Variants in SRPK2 observed in about 807,000 individuals in gnomAD.
SRPK2 encodes the protein SRSF protein kinase 2, also known as SFRS protein kinase 2.
A neutral mutation model predicts 90.8 loss-of-function variants in SRPK2; 21 were observed. That is an observed-to-expected ratio of 0.23 (90% confidence interval 0.16 to 0.33). The LOEUF (loss-of-function observed/expected upper bound fraction) is 0.33. SRPK2 is among the 10% of genes least tolerant of loss of function. The pLI, the probability that SRPK2 is intolerant of heterozygous loss-of-function variation, is 1.00. For synonymous variants in SRPK2, 288 were observed against 311.1 expected (o/e 0.93, Z 0.78); for missense variants, 620 against 869.0 (o/e 0.71, Z 3.60).
intron 2 of SRPK2, among the ~76,000 whole-genome samples, chr7:105,220,220 T>C (rs1797928740): frequency 6.6e-6 from 1 of 152,238 alleles, no homozygotes; most frequent in South Asian, 2.1e-4. Context: ...TTTTTCCTAA[T>C]TCTTAGATCC....
intron 2 of SRPK2, among the ~76,000 whole-genome samples, chr7:105,210,944 C>T (rs1796780210): frequency 6.6e-6 from 1 of 152,242 alleles, no homozygotes; most frequent in Non-Finnish European, 1.5e-5. Context: ...CTCAGTTCTA[C>T]GAACTCAAGG....
intron 2 of SRPK2, among the ~76,000 whole-genome samples, chr7:105,335,874 T>C (rs1214094232): frequency 6.6e-6 from 1 of 151,930 alleles, no homozygotes; most frequent in African/African-American, 2.4e-5. Flanking sequence ...GAGAATTGCT[T>C]GAAGCTGGGA....
At chr7:105,160,901 C>T (rs1807514408) in intron 6 of SRPK2, among the ~76,000 whole-genome samples, 1 of 152,076 alleles carries the variant, frequency 6.6e-6, no homozygotes, top group South Asian at 2.1e-4. Flanking sequence ...GTAGTATATA[C>T]ATAACCTATT....
Position 105,354,678 on chromosome 7 carries a change from A to G in SRPK2, c.71+33970T>C, listed in dbSNP as rs147876663. On this transcript the variant is annotated intron_variant, in intron 2 of 15. Coordinates refer to ENST00000393651, the MANE Select transcript of SRPK2 (RefSeq NM_182692.3). Reference sequence around the variant, plus strand: ...TGGTCTCTACCTGCTGGCTGGGAACAGACATTGCTACTCCTAGCAGCCCAC... The same window carrying G: ...TGGTCTCTACCTGCTGGCTGGGAACGGACATTGCTACTCCTAGCAGCCCAC... Among the ~76,000 whole-genome samples the G allele has an allele frequency of 7.2e-3, 1,098 of 152,298 alleles. 8 individuals are homozygous for G. Among genetic ancestry groups the G allele is most frequent in the Middle Eastern group, 0.017 (5 of 294 alleles).
chr7:105,192,050 C>CT lies in SRPK2; in HGVS notation c.229+11577dup, dbSNP rs34465290. Among the ~76,000 whole-genome samples the CT allele has an allele frequency of 9.7e-5, 14 of 143,890 alleles. No individual in the cohort carries two copies. In the East Asian group the frequency reaches 1.0e-3, roughly 11 times the overall value. The allele number at this position is 143,890 out of a possible 152,430, so 94.4% of individuals were successfully genotyped here. On this transcript the variant is annotated intron_variant, in intron 3 of 15. Coordinates refer to ENST00000393651, the MANE Select transcript of SRPK2 (RefSeq NM_182692.3). ...TTTAAAAGCTCCACTTCTGCTTCTG[C>CT]TTTTTTTTTTTTTTTTAATTTCCAT... is the stretch of plus-strand genomic sequence containing the variant.
intron 2 of SRPK2, among the ~76,000 whole-genome samples, chr7:105,365,384 G>A (rs988750459): frequency 6.6e-6 from 1 of 151,112 alleles, no homozygotes. Flanking sequence ...TACTCAGGAG[G>A]CTGAGGCAGG....
intron 2 of SRPK2, among the ~76,000 whole-genome samples, chr7:105,310,187 C>T (rs1811554075): frequency 6.6e-6 from 1 of 151,996 alleles, no homozygotes; most frequent in Non-Finnish European, 1.5e-5. Flanking sequence ...GTCTAAGACC[C>T]CATGAGGTAC....
chr7:105,136,529 C>T (rs751226253), intron 11 of SRPK2, among the ~76,000 whole-genome samples: 9 of 152,176 alleles, frequency 5.9e-5, no homozygotes, highest in Non-Finnish European at 1.2e-4. Flanking sequence ...GCTTTCACTT[C>T]GGGAAGAACT....
At chr7:105,136,155 C>T (rs771144095) in intron 11 of SRPK2, among the ~76,000 whole-genome samples, 3 of 152,170 alleles carry the variant, frequency 2.0e-5, no homozygotes, top group African/African-American at 7.2e-5. Context: ...CCTCCTGGTT[C>T]GGGTTTGTAA....
At chr7:105,167,806 T>C (rs1272253241) in intron 5 of SRPK2, among the ~76,000 whole-genome samples, 1 of 152,114 alleles carries the variant, frequency 6.6e-6, no homozygotes, top group Non-Finnish European at 1.5e-5. Flanking sequence ...AGATGGGGTT[T>C]CACCGTGTTT....
At chr7:105,190,035 G>C (rs1305092361) in intron 3 of SRPK2, among the ~76,000 whole-genome samples, 1 of 152,164 alleles carries the variant, frequency 6.6e-6, no homozygotes, top group African/African-American at 2.4e-5. Flanking sequence ...CAGCCTTGTG[G>C]CAGAACGCCA....
chr7:105,261,022 T>TAAAA (rs72277307), intron 2 of SRPK2, among the ~76,000 whole-genome samples: 16,886 of 115,496 alleles, frequency 0.15, 1,584 homozygotes, highest in South Asian at 0.21. Flanking sequence ...CCCTAGAAAT[T>TAAAA]AAAAAAAAAA....
intron 3 of SRPK2, among the ~76,000 whole-genome samples, chr7:105,181,170 A>G (rs899039438): frequency 1.3e-5 from 2 of 152,192 alleles, no homozygotes; most frequent in African/African-American, 4.8e-5. Flanking sequence ...ACGATGAAAC[A>G]CCATCTCACA....
At chr7:105,133,157 G>A in intron 11 of SRPK2, 53 bp from the exon 12 acceptor site, 2 of 1,535,676 alleles carry the variant, frequency 1.3e-6, no homozygotes, top group Non-Finnish European at 1.8e-6. Flanking sequence ...TGGTTTGCAT[G>A]TGTGAGCACA....
chr7:105,227,105 T>TC (rs1798809774), intron 2 of SRPK2, among the ~76,000 whole-genome samples: 5 of 152,078 alleles, frequency 3.3e-5, no homozygotes, highest in African/African-American at 1.2e-4. Flanking sequence ...GGTCCTTCTC[T>TC]CCCTAAAAGT....
rs1246194048 is a variant in SRPK2 at position 105,162,874 on chromosome 7, C to A, written c.515-2261G>T. ...TATTTCAAAAACCTCTATTTACCCACGGATTAAGTAGTTTCTCCAAAGAAA... is the reference window on the plus strand; with the variant it reads ...TATTTCAAAAACCTCTATTTACCCAAGGATTAAGTAGTTTCTCCAAAGAAA... On this transcript the variant is annotated intron_variant, in intron 6 of 15. Coordinates refer to ENST00000393651, the MANE Select transcript of SRPK2 (RefSeq NM_182692.3). Among the ~76,000 whole-genome samples the A allele has an allele frequency of 1.1e-4, 16 of 152,190 alleles. 2 individuals are homozygous for A. The highest frequency in any genetic ancestry group is 1.0e-3 in the Admixed American group (16 of 15,276).
chr7:105,390,464 T>C (rs1374456809), upstream of SRPK2, among the ~76,000 whole-genome samples: 2 of 152,168 alleles, frequency 1.3e-5, no homozygotes, highest in Non-Finnish European at 2.9e-5. Context: ...AGTCTCACTC[T>C]ATCACCCAGG....
chr7:105,323,221 A>G (rs1813140799), intron 2 of SRPK2, among the ~76,000 whole-genome samples: 1 of 152,198 alleles, frequency 6.6e-6, no homozygotes, highest in African/African-American at 2.4e-5. Context: ...AAAAAGAAAC[A>G]GTAAGAATAT....
chr7:105,341,707 G>A (rs531714625), intron 2 of SRPK2, among the ~76,000 whole-genome samples: 2 of 152,070 alleles, frequency 1.3e-5, no homozygotes, highest in Non-Finnish European at 2.9e-5. Flanking sequence ...GGTGGCTCAC[G>A]CCTGTAATCC....
Sources: gnomAD v4.1 joint callset for allele counts (sites outside exome capture counted in the v4.1 genomes callset) on GRCh38, gnomAD v4.1.1 for gene constraint, MANE v1.5 for transcripts, NCBI Gene and HGNC (gene_info 2026-07-23, HGNC 2026-07-21) for gene names.